The following CNN2 variants were observed in gnomAD, a reference collection of about 807,000 sequenced individuals.
CNN2 encodes calponin 2, also known as calponin-2.
In CNN2, 21 loss-of-function variants were observed where a neutral mutation model predicts 31.0. The observed-to-expected ratio is 0.68, with a 90% CI of 0.48 to 0.98. The LOEUF is 0.98. Ranked by LOEUF, CNN2 falls within the 50% of genes least tolerant of loss-of-function variation. CNN2 has a pLI of 0.00. For missense variants in CNN2, 399 were observed against 427.3 expected, an observed-to-expected ratio of 0.93 and a Z score of 0.58; for synonymous variants, 165 against 179.6, an observed-to-expected ratio of 0.92 and a Z score of 0.65.
chr19:1,037,910 C>G lies in CNN2; in HGVS notation c.*10C>G. Reference sequence around the variant, plus strand: ...GGAGGCCGGCTACTGAGGCTCCCAGCACGCTCTCTCCCCACATCGTCTGCC... The same window carrying G: ...GGAGGCCGGCTACTGAGGCTCCCAGGACGCTCTCTCCCCACATCGTCTGCC... On this transcript the variant is annotated 3_prime_UTR_variant, in exon 7 of 7. Coordinates refer to ENST00000263097, the MANE Select transcript of CNN2 (RefSeq NM_004368.4). 1 of 1,560,120 alleles carries G rather than the reference C, an allele frequency of 6.4e-7. No individual in the cohort carries two copies. Among genetic ancestry groups the G allele is most frequent in the Non-Finnish European group, 8.7e-7 (1 of 1,151,182 alleles).
Position 1,037,968 on chromosome 19 carries a change from T to TA in CNN2, c.*68_*69insA. On this transcript the variant is annotated 3_prime_UTR_variant, in exon 7 of 7. Coordinates refer to ENST00000263097, the MANE Select transcript of CNN2 (RefSeq NM_004368.4). ...GTTTTTGGGTTTTTCTGTGTTTTCATCTTTTTTTTTTTTTTCTTAACCCGT... is the reference window on the plus strand; with the variant it reads ...GTTTTTGGGTTTTTCTGTGTTTTCATACTTTTTTTTTTTTTTCTTAACCCGT... 3.5e-5 allele frequency: 46 copies of TA among 1,306,354 alleles called. No individual in the cohort carries two copies. The highest frequency in any genetic ancestry group is 4.5e-5 in the South Asian group (3 of 66,696). The allele number at this position is 1,306,354 out of a possible 1,614,324, so 80.9% of individuals were successfully genotyped here. A position where few individuals can be genotyped will look rare whatever the true frequency, so the allele number is the denominator to read the frequency against.
In CNN2 at chr19:1,037,839, G is replaced by A. The variant is rs200854974; in HGVS notation, c.869G>A (p.Cys290Tyr). The stretch of plus-strand genomic sequence containing the variant: ...GGGGCTCCCTCGGGCACCGGCGACT[G>A]CCCGGACCCGGGGGAGGTCCCTGAA... ...ADGAPSGTGD[C>Y]PDPGEVPEYP... The change falls in exon 7 of 7, where the codon TGC (cysteine) becomes TAC (tyrosine). Residue 290 changes from cysteine to tyrosine, a missense_variant. Coordinates refer to ENST00000263097, the MANE Select transcript of CNN2 (RefSeq NM_004368.4). The A allele has an allele frequency of 1.0e-4, 165 of 1,606,282 alleles. No individual in the cohort carries two copies. In the African/African-American group the frequency reaches 2.0e-3, roughly 20 times the overall value.
chr19:1,028,088 A>G (rs1159047809), intron 1 of CNN2, among the ~76,000 whole-genome samples: 1 of 152,050 alleles, frequency 6.6e-6, no homozygotes, highest in African/African-American at 2.4e-5. Context: ...CGCACCCTGC[A>G]TACAGCCGGC....
intron 1 of CNN2, among the ~76,000 whole-genome samples, chr19:1,030,543 C>A (rs547254266): frequency 1.3e-5 from 2 of 151,996 alleles, no homozygotes; most frequent in African/African-American, 4.8e-5. Context: ...GGAGAATGGC[C>A]TGAACCGGGG....
At chr19:1,026,956 A>AG in intron 1 of CNN2, 1 of 481,272 alleles carries the variant, frequency 2.1e-6, no homozygotes, top group Non-Finnish European at 3.7e-6. Flanking sequence ...CGAGTGACCC[A>AG]TTCCCCCCCC....
Position 1,032,436 on chromosome 19 carries a change from G to A in CNN2, c.230G>A (p.Arg77His), listed in dbSNP as rs777681837. 4.3e-6 allele frequency: 7 copies of A among 1,613,690 alleles called. No homozygotes were observed. Among genetic ancestry groups the A allele is most frequent in the African/African-American group, 4.0e-5 (3 of 75,036 alleles). ...LQPGSVPKIN[R>H]SMQNWHQLEN... Reference sequence around the variant, plus strand: ...CCGGGCTCCGTCCCCAAGATCAACCGCTCCATGCAGAACTGGCACCAGGTG... The same window carrying A: ...CCGGGCTCCGTCCCCAAGATCAACCACTCCATGCAGAACTGGCACCAGGTG... Residue 77 changes from arginine to histidine, a missense_variant, in exon 3 of 7, where the codon CGC (arginine) becomes CAC (histidine). Physicochemically the swap from Arg to His is conservative, Grantham distance 29. Transcript: ENST00000263097.
intron 1 of CNN2, among the ~76,000 whole-genome samples, chr19:1,030,080 C>T (rs563764845): frequency 1.3e-5 from 2 of 152,282 alleles, no homozygotes; most frequent in East Asian, 3.9e-4. Context: ...GCCCCCTATA[C>T]ACTTTGCCGT....
At chr19:1,037,331 T>G in intron 6 of CNN2, 1 of 351,478 alleles carries the variant, frequency 2.8e-6, no homozygotes. Context: ...AGATATGGGG[T>G]TTCACCGTGT....
rs1214525243 is a variant in CNN2, at chr19:1,037,983, T to TC, written c.*84dup. 6.7e-6 allele frequency: 9 copies of TC among 1,346,158 alleles called. No individual in the cohort carries two copies. In the African/African-American group the frequency reaches 1.4e-4, roughly 21 times the overall value. 83.4% of individuals were successfully genotyped at this position (1,346,158 alleles called of 1,614,324 possible). ...TGTGTTTTCATCTTTTTTTTTTTTT[T>TC]CTTAACCCGTTCAGTGCTGCCAGTC... is the stretch of plus-strand genomic sequence containing the variant. On this transcript the variant is annotated 3_prime_UTR_variant, in exon 7 of 7. Coordinates refer to ENST00000263097, the MANE Select transcript of CNN2 (RefSeq NM_004368.4).
At position 1,037,964 on chromosome 19, in the gene CNN2, T is replaced by G; in HGVS notation, c.*64T>G. On this transcript the variant is annotated 3_prime_UTR_variant, in exon 7 of 7. Coordinates refer to ENST00000263097, the MANE Select transcript of CNN2 (RefSeq NM_004368.4). The stretch of plus-strand genomic sequence containing the variant: ...CTGGGTTTTTGGGTTTTTCTGTGTT[T>G]TCATCTTTTTTTTTTTTTTCTTAAC... 3 of 1,440,348 alleles carry G rather than the reference T, an allele frequency of 2.1e-6. No individual in the cohort carries two copies. Among genetic ancestry groups the G allele is most frequent in the Non-Finnish European group, 2.8e-6 (3 of 1,090,256 alleles). The allele number at this position is 1,440,348 out of a possible 1,614,324, so 89.2% of individuals were successfully genotyped here.
At position 1,038,647 on chromosome 19, in the gene CNN2, T is replaced by C. The variant is rs1568186220; in HGVS notation, c.*747T>C. On this transcript the variant is annotated 3_prime_UTR_variant, in exon 7 of 7. Transcript: ENST00000263097. ...TGGAGTGCAGTGGCGCCATCTTGGC[T>C]CACTGCACCTCCACCTTCCGGGCTC... is the stretch of plus-strand genomic sequence containing the variant. 6.6e-6 allele frequency: 1 copy of C among 152,236 alleles called. No homozygotes were observed. The highest frequency in any genetic ancestry group is 1.5e-5 in the Non-Finnish European group (1 of 68,066). 9.4% of individuals were successfully genotyped at this position (152,236 alleles called of 1,614,324 possible).
At chr19:1,030,917 G>T (rs2039478735) in intron 1 of CNN2, 154 bp from the exon 2 acceptor site, 1 of 951,940 alleles carries the variant, frequency 1.1e-6, no homozygotes, top group East Asian at 2.6e-5. Context: ...TGGGAAAAGG[G>T]AGCATCTGCG....
intron 2 of CNN2, among the ~76,000 whole-genome samples, chr19:1,031,439 C>T (rs67538026): frequency 0.38 from 55,991 of 148,702 alleles, 11,581 homozygotes; most frequent in East Asian, 0.52. Flanking sequence ...TAGCCAGGCA[C>T]CTGTAATCCC....
chr19:1,031,126 G>T lies in CNN2; in HGVS notation c.119G>T (p.Gly40Val). 6.2e-7 allele frequency: 1 copy of T among 1,613,284 alleles called. No homozygotes were observed. Among genetic ancestry groups the T allele is most frequent in the East Asian group, 2.2e-5 (1 of 44,872 alleles). The change falls in exon 2 of 7, where the codon GGA becomes GTA. Residue 40 changes from glycine to valine, a missense_variant. Coordinates refer to ENST00000263097, the MANE Select transcript of CNN2 (RefSeq NM_004368.4). ...KEAELRTWIE[G>V]LTGLSIGPDF... ...GCAGAGCTCCGCACCTGGATCGAGG[G>T]ACTCACCGGCCTCTCCATCGGCCCC...
intron 4 of CNN2, among the ~76,000 whole-genome samples, chr19:1,033,231 G>A (rs2039528249): frequency 6.6e-6 from 1 of 151,970 alleles, no homozygotes; most frequent in Admixed American, 6.6e-5. Context: ...TTATATGTAA[G>A]CTCTGGCCGG....
At chr19:1,031,977 C>T (rs997774105) in intron 2 of CNN2, among the ~76,000 whole-genome samples, 1 of 151,840 alleles carries the variant, frequency 6.6e-6, no homozygotes, top group African/African-American at 2.4e-5. Flanking sequence ...CGCTTGTAAT[C>T]CCAGCACTTT....
Position 1,031,191 on chromosome 19 carries a change from A to C in CNN2, c.184A>C (p.Thr62Pro). Residue 62 changes from threonine (T) to proline (P), a missense_variant and splice_region_variant, in exon 2 of 7, where the codon ACA becomes CCA. Transcript: ENST00000263097. ...KGLKDGTILC[T>P]LMNKLQPGSV... The stretch of plus-strand genomic sequence containing the variant: ...CCTGAAGGATGGAACTATCTTATGC[A>C]CGTGAGTACACGCAGGGACACAGGC... The C allele has an allele frequency of 3.7e-6, 6 of 1,607,124 alleles. No homozygotes were observed. The highest frequency in any genetic ancestry group is 5.1e-6 in the Non-Finnish European group (6 of 1,175,256).
At position 1,031,192 on chromosome 19, in the gene CNN2, C is replaced by A. The variant is rs368809711; in HGVS notation, c.185C>A (p.Thr62Lys). The A allele has an allele frequency of 6.2e-7, 1 of 1,607,170 alleles. No individual in the cohort carries two copies. Among genetic ancestry groups the A allele is most frequent in the Non-Finnish European group, 8.5e-7 (1 of 1,175,324 alleles). ...CTGAAGGATGGAACTATCTTATGCA[C>A]GTGAGTACACGCAGGGACACAGGCT... Reference protein sequence around the residue: ...KGLKDGTILCTLMNKLQPGSV... With the variant: ...KGLKDGTILCKLMNKLQPGSV... The change falls in exon 2 of 7, where the codon ACA (threonine) becomes AAA (lysine). Residue 62 changes from threonine to lysine, a missense_variant and splice_region_variant. Thr to Lys is a moderately conservative substitution (Grantham distance 78). Coordinates refer to ENST00000263097, the MANE Select transcript of CNN2 (RefSeq NM_004368.4).
rs1191334726 is a variant in CNN2 at position 1,038,182 on chromosome 19, G to A, written c.*282G>A. ...CACATTCAGGCTGTGCTGGGAAGAA[G>A]AGACCTGGGCTTGGAAGGAACCGGT... On this transcript the variant is annotated 3_prime_UTR_variant, in exon 7 of 7. Coordinates refer to ENST00000263097, the MANE Select transcript of CNN2 (RefSeq NM_004368.4). 2.2e-5 allele frequency: 8 copies of A among 366,004 alleles called. No individual in the cohort carries two copies. In the East Asian group the frequency reaches 3.3e-4, roughly 15 times the overall value. The allele number at this position is 366,004 out of a possible 1,614,324, so 22.7% of individuals were successfully genotyped here.
Sources: allele counts gnomAD v4.1 joint callset (sites outside exome capture counted in the v4.1 genomes callset), GRCh38; gene constraint gnomAD v4.1.1; transcripts MANE v1.5; gene names NCBI Gene and HGNC (gene_info 2026-07-23, HGNC 2026-07-21).